PRKAA1: variants seen among roughly 807,000 people sequenced by gnomAD.
The protein encoded by PRKAA1 is protein kinase AMP-activated catalytic subunit alpha 1, also known as 5'-AMP-activated protein kinase catalytic subunit alpha-1.
A neutral mutation model predicts 56.9 loss-of-function variants in PRKAA1; 23 were observed. The observed-to-expected ratio is 0.40, with a 90% confidence interval of 0.29 to 0.57. The LOEUF is 0.57. Ranked by LOEUF, PRKAA1 falls within the 20% of genes least tolerant of loss-of-function variation. The pLI is 0.39. For missense variants in PRKAA1, 413 were observed against 679.7 expected (o/e 0.61, Z 4.36); for synonymous variants, 226 against 227.0 (o/e 1.00, Z 0.04).
At chr5:40,767,062 G>A (rs1743493847) in intron 6 of PRKAA1, among the ~76,000 whole-genome samples, 1 of 151,858 alleles carries the variant, frequency 6.6e-6, no homozygotes, top group South Asian at 2.1e-4. Context: ...ATATATATGG[G>A]GCCTCGCTAT....
At chr5:40,797,955 G>A in intron 1 of PRKAA1, 108 bp downstream of exon 1, 1 of 1,484,806 alleles carries the variant, frequency 6.7e-7, no homozygotes, top group South Asian at 1.2e-5. Flanking sequence ...GGGCTGCCCA[G>A]CCCTGGAAAG....
chr5:40,776,286 T>C (rs918273913), intron 2 of PRKAA1, among the ~76,000 whole-genome samples: 2 of 152,252 alleles, frequency 1.3e-5, no homozygotes, highest in African/African-American at 2.4e-5. Context: ...AAATGGTTCC[T>C]AAGTTTTAGC....
At chr5:40,787,906 T>C (rs1414342390) in intron 1 of PRKAA1, among the ~76,000 whole-genome samples, 1 of 152,114 alleles carries the variant, frequency 6.6e-6, no homozygotes, top group Non-Finnish European at 1.5e-5. Flanking sequence ...AGTGGCTAAA[T>C]GGATAAAAAA....
At chr5:40,797,513 AATG>A (rs922582990) in intron 1 of PRKAA1, among the ~76,000 whole-genome samples, 1 of 152,242 alleles carries the variant, frequency 6.6e-6, no homozygotes, top group Non-Finnish European at 1.5e-5. Flanking sequence ...CTTTAAAAAA[AATG>A]ATGTCGGCTA....
intron 1 of PRKAA1, among the ~76,000 whole-genome samples, chr5:40,785,155 A>G (rs1744414918): frequency 6.6e-6 from 1 of 152,228 alleles, no homozygotes; most frequent in African/African-American, 2.4e-5. Flanking sequence ...TCCTTCCTGT[A>G]TCAGAACATG....
intron 1 of PRKAA1, among the ~76,000 whole-genome samples, chr5:40,790,644 A>C (rs1744681592): frequency 6.6e-6 from 1 of 151,904 alleles, no homozygotes; most frequent in Admixed American, 6.6e-5. Flanking sequence ...GGTTCAAGCA[A>C]TTCTCCTGCC....
chr5:40,793,997 G>A (rs1744822841), intron 1 of PRKAA1, among the ~76,000 whole-genome samples: 1 of 151,924 alleles, frequency 6.6e-6, no homozygotes, highest in Admixed American at 6.6e-5. Flanking sequence ...AGCTACTAGG[G>A]AAGTTGAGGC....
chr5:40,779,144 A>G (rs1029377254), intron 1 of PRKAA1, among the ~76,000 whole-genome samples: 13 of 152,098 alleles, frequency 8.5e-5, no homozygotes, highest in African/African-American at 3.1e-4. Context: ...AAAAAAAATC[A>G]AGTCATTTTA....
At chr5:40,768,630 G>A in intron 5 of PRKAA1, 1 of 1,126,012 alleles carries the variant, frequency 8.9e-7, no homozygotes. Flanking sequence ...AGCAGTCTAG[G>A]CCAACAAGCT....
chr5:40,760,069 TCA>T lies in PRKAA1; in HGVS notation c.*2707_*2708del, dbSNP rs1391821496. On this transcript the variant is annotated 3_prime_UTR_variant, in exon 9 of 9. Transcript: ENST00000397128. ...AAAGTAAAAATATGGTTGCATAAAG[TCA>T]CAAAAAATATAAACTGCTGAAAAGA... 2 of 152,660 alleles carry T rather than the reference TCA, an allele frequency of 1.3e-5. No homozygotes were observed. The highest frequency in any genetic ancestry group is 2.9e-5 in the Non-Finnish European group (2 of 68,004). The allele number at this position is 152,660 out of a possible 1,614,324, so 9.5% of individuals were successfully genotyped here. A position where few individuals can be genotyped will look rare whatever the true frequency, so the allele number is the denominator to read the frequency against.
intron 3 of PRKAA1, among the ~76,000 whole-genome samples, chr5:40,773,813 G>C (rs989307586): frequency 8.5e-5 from 13 of 152,316 alleles, no homozygotes; most frequent in African/African-American, 2.4e-4. Flanking sequence ...CACCCATATT[G>C]GGGAATAAGA....
At chr5:40,792,878 C>T (rs532353002) in intron 1 of PRKAA1, among the ~76,000 whole-genome samples, 52 of 151,748 alleles carry the variant, frequency 3.4e-4, no homozygotes, top group African/African-American at 1.2e-3. Flanking sequence ...ACCTGGCCGA[C>T]GTGGTGAAAC....
At chr5:40,774,302 A>G (rs930150312) in intron 3 of PRKAA1, among the ~76,000 whole-genome samples, 3 of 152,226 alleles carry the variant, frequency 2.0e-5, no homozygotes, top group African/African-American at 7.2e-5. Context: ...ACAGAGGAAG[A>G]CTTTTTTTAA....
intron 1 of PRKAA1, 58 bp downstream of exon 1, chr5:40,798,005 A>C (rs865998149): frequency 5.7e-6 from 9 of 1,581,514 alleles, no homozygotes; most frequent in Middle Eastern, 2.0e-4. Context: ...GAGGTGCGGA[A>C]AGCGGAAGTC....
At chr5:40,763,758 C>T (rs1743298482) in intron 8 of PRKAA1, among the ~76,000 whole-genome samples, 3 of 152,168 alleles carry the variant, frequency 2.0e-5, no homozygotes, top group South Asian at 4.1e-4. Context: ...CAGATACGTA[C>T]TATATGGACC....
intron 1 of PRKAA1, among the ~76,000 whole-genome samples, chr5:40,779,243 C>T (rs188924551): frequency 2.5e-5 from 3 of 120,464 alleles, no homozygotes; most frequent in African/African-American, 7.8e-5. Flanking sequence ...ATCCCAAATG[C>T]CATAATCCCA....
chr5:40,781,492 CAT>C (rs916719245), intron 1 of PRKAA1, among the ~76,000 whole-genome samples: 6 of 152,128 alleles, frequency 3.9e-5, no homozygotes, highest in African/African-American at 1.4e-4. Flanking sequence ...GTCACAGTAA[CAT>C]ATGGAGAAGG....
At chr5:40,783,601 C>CA (rs1030743606) in intron 1 of PRKAA1, among the ~76,000 whole-genome samples, 20 of 151,640 alleles carry the variant, frequency 1.3e-4, no homozygotes, top group Non-Finnish European at 2.1e-4. Context: ...ACTAAAAATA[C>CA]AAAAAAAATT....
chr5:40,760,356 T>C lies in PRKAA1; in HGVS notation c.*2422A>G, dbSNP rs541524635. Reference sequence around the variant, plus strand: ...AACTAAAATGAATCACAATAACTTATAAGAGAAGCAAAGTTTACAAAATTA... The same window carrying C: ...AACTAAAATGAATCACAATAACTTACAAGAGAAGCAAAGTTTACAAAATTA... On this transcript the variant is annotated 3_prime_UTR_variant, in exon 9 of 9. Transcript: ENST00000397128. 13 of 152,820 alleles carry C rather than the reference T, an allele frequency of 8.5e-5. No homozygotes were observed. Among genetic ancestry groups the C allele is most frequent in the East Asian group, 1.9e-4 (1 of 5,274 alleles). The allele number at this position is 152,820 out of a possible 1,614,324, so 9.5% of individuals were successfully genotyped here.
Sources: allele counts gnomAD v4.1 joint callset (sites outside exome capture counted in the v4.1 genomes callset), GRCh38; gene constraint gnomAD v4.1.1; transcripts MANE v1.5; gene names NCBI Gene and HGNC (gene_info 2026-07-23, HGNC 2026-07-21).